Variants in CFAP46 observed in about 807,000 individuals in gnomAD.
CFAP46 encodes cilia and flagella associated protein 46.
Under a neutral mutation model 325.7 loss-of-function variants are expected in CFAP46, and 245 were observed. That is an observed-to-expected ratio of 0.75 (90% CI 0.68 to 0.84). The LOEUF (loss-of-function observed/expected upper bound fraction) is 0.84, where lower values mean the gene tolerates loss of function less well. Among genes scored for constraint, CFAP46 ranks in the 40% least tolerant of loss-of-function variants. CFAP46 has a pLI of 0.00. For missense variants in CFAP46, 3,346 were observed against 3,543.0 expected (o/e 0.94, Z 1.41); for synonymous variants, 1,523 against 1,495.9 (o/e 1.02, Z -0.42).
At chr10:132,837,388 C>A (rs1848269994) in intron 44 of CFAP46, among the ~76,000 whole-genome samples, 1 of 152,024 alleles carries the variant, frequency 6.6e-6, no homozygotes. Flanking sequence ...CACACAGATG[C>A]ACGTGTACAT....
At position 132,884,142 on chromosome 10, in the gene CFAP46, C is replaced by T. The variant is rs1849086997; in HGVS notation, c.3627+961G>A. Among the ~76,000 whole-genome samples, 1 of 152,226 alleles carries T rather than the reference C, an allele frequency of 6.6e-6. No individual in the cohort carries two copies. Among genetic ancestry groups the T allele is most frequent in the South Asian group, 2.1e-4 (1 of 4,834 alleles). On this transcript the variant is annotated intron_variant, in intron 27 of 57. Coordinates refer to ENST00000368586, the MANE Select transcript of CFAP46 (RefSeq NM_001200049.3). The surrounding 1 kb of genome is among the most constrained non-coding windows in gnomAD (Gnocchi z 5.4). ...GCAGCCTCCCCTCCTCAGGCCCTTCCTGCTTTCCCTGGAGGCAGCCAGGTC... is the reference window on the plus strand; with the variant it reads ...GCAGCCTCCCCTCCTCAGGCCCTTCTTGCTTTCCCTGGAGGCAGCCAGGTC...
intron 39 of CFAP46, 72 bp downstream of exon 39, chr10:132,857,513 TGTAAG>T (rs1189859729): frequency 9.7e-6 from 14 of 1,441,644 alleles, no homozygotes; most frequent in Non-Finnish European, 1.3e-5. Context: ...TCAGCTGGCT[TGTAAG>T]GTAAGTTACA....
Position 132,941,718 on chromosome 10 carries a change from C to G in CFAP46, c.179G>C (p.Arg60Thr). ...VLCAEQALKM[R>T]QPEVSEDCIQ... ...GCAGTCCTCGCTCACCTCTGGCTGC[C>G]TCATCTGCAAGAGAACACCACCACA... Residue 60 changes from arginine to threonine, a missense_variant, in exon 3 of 58, where the codon AGG becomes ACG. Arg to Thr is a moderately conservative substitution (Grantham distance 71). Coordinates refer to ENST00000368586, the MANE Select transcript of CFAP46 (RefSeq NM_001200049.3). The G allele has an allele frequency of 6.2e-7, 1 of 1,613,986 alleles. No homozygotes were observed. Among genetic ancestry groups the G allele is most frequent in the Admixed American group, 1.7e-5 (1 of 60,026 alleles).
rs1486113713 is a variant in CFAP46, at chr10:132,889,521, A to T, written c.3304+2812T>A. Among the ~76,000 whole-genome samples, 1 of 152,030 alleles carries T rather than the reference A, an allele frequency of 6.6e-6. No homozygotes were observed. The highest frequency in any genetic ancestry group is 1.5e-5 in the Non-Finnish European group (1 of 67,978). Reference sequence around the variant, plus strand: ...TGCTTCCTCCTGCTTGAATTCATTAAACCAGGGTCCAATGAACTTGGAAAC... The same window carrying T: ...TGCTTCCTCCTGCTTGAATTCATTATACCAGGGTCCAATGAACTTGGAAAC... On this transcript the variant is annotated intron_variant, in intron 25 of 57. Transcript: ENST00000368586. The surrounding 1 kb of genome is among the most constrained non-coding windows in gnomAD (Gnocchi z 6.0).
chr10:132,833,814 A>C (rs1174301735), intron 49 of CFAP46, among the ~76,000 whole-genome samples: 1 of 152,160 alleles, frequency 6.6e-6, no homozygotes. Context: ...TGCTCTCAGG[A>C]GGCTTGGCAC....
rs1237989808 is a variant in CFAP46, at chr10:132,886,459, C to T, written c.3305-500G>A. Among the ~76,000 whole-genome samples the T allele has an allele frequency of 6.6e-6, 1 of 152,200 alleles. No individual in the cohort carries two copies. Among genetic ancestry groups the T allele is most frequent in the Non-Finnish European group, 1.5e-5 (1 of 68,032 alleles). Reference sequence around the variant, plus strand: ...GACACGCAGAGGCAAAGGTGCCTGCCTTCAGGGCACACACAAAAATCGCCT... The same window carrying T: ...GACACGCAGAGGCAAAGGTGCCTGCTTTCAGGGCACACACAAAAATCGCCT... On this transcript the variant is annotated intron_variant, in intron 25 of 57. Transcript: ENST00000368586. The surrounding 1 kb of genome is among the most constrained non-coding windows in gnomAD (Gnocchi z 5.8).
chr10:132,825,108 GTGC>G (rs1203626819), intron 50 of CFAP46, among the ~76,000 whole-genome samples: 2 of 147,108 alleles, frequency 1.4e-5, no homozygotes, highest in Non-Finnish European at 3.0e-5. Flanking sequence ...GTGCTGATGT[GTGC>G]TGATGTGTGC....
At position 132,899,089 on chromosome 10, in the gene CFAP46, A is replaced by G; in HGVS notation, c.3089T>C (p.Val1030Ala). Reference protein sequence around the residue: ...FGGIAGSSALVMLAARHYWNA... With the variant: ...FGGIAGSSALAMLAARHYWNA... ...CCAGTAATGCCGCGCGGCCAGCATC[A>G]CCAGGGCGCTGCTGCCCGCGATGCC... is the stretch of plus-strand genomic sequence containing the variant. The change falls in exon 24 of 58, where the codon GTG (valine) becomes GCG (alanine). Residue 1030 changes from valine (V) to alanine (A), a missense_variant. Coordinates refer to ENST00000368586, the MANE Select transcript of CFAP46 (RefSeq NM_001200049.3). 2 of 1,550,082 alleles carry G rather than the reference A, an allele frequency of 1.3e-6. No individual in the cohort carries two copies. The highest frequency in any genetic ancestry group is 1.7e-6 in the Non-Finnish European group (2 of 1,146,902).
intron 24 of CFAP46, among the ~76,000 whole-genome samples, chr10:132,897,377 C>T (rs1426408163): frequency 6.6e-6 from 1 of 152,228 alleles, no homozygotes; most frequent in Admixed American, 6.5e-5. Context: ...GATTAATATG[C>T]AGGCTCTGTC....
chr10:132,890,528 C>T (rs901994547), intron 25 of CFAP46, among the ~76,000 whole-genome samples: 14 of 152,304 alleles, frequency 9.2e-5, no homozygotes, highest in African/African-American at 2.9e-4. Context: ...ATGCCAGCAA[C>T]CAGTGCGGAG....
At chr10:132,913,569 G>A (rs1321656134) in intron 17 of CFAP46, among the ~76,000 whole-genome samples, 1 of 152,176 alleles carries the variant, frequency 6.6e-6, no homozygotes, top group Non-Finnish European at 1.5e-5. Context: ...GATCTGAGGT[G>A]GAAACGTTTC....
rs1307526077 is a variant in CFAP46 at position 132,876,497 on chromosome 10, G to C, written c.4362+315C>G. Among the ~76,000 whole-genome samples, 1 of 152,214 alleles carries C rather than the reference G, an allele frequency of 6.6e-6. No homozygotes were observed. Among genetic ancestry groups the C allele is most frequent in the African/African-American group, 2.4e-5 (1 of 41,460 alleles). On this transcript the variant is annotated intron_variant, in intron 31 of 57. Transcript: ENST00000368586. This position sits in a 1 kb window ranked among gnomAD's most constrained non-coding sequence, Gnocchi z 4.1. ...CAGGGACACTGATTTTCGGCTTCCGGCCTCCAGAACCATGAGGGGATCAAT... is the reference window on the plus strand; with the variant it reads ...CAGGGACACTGATTTTCGGCTTCCGCCCTCCAGAACCATGAGGGGATCAAT...
At position 132,869,085 on chromosome 10, in the gene CFAP46, G is replaced by A. The variant is rs930775593; in HGVS notation, c.4610+189C>T. Among the ~76,000 whole-genome samples the A allele has an allele frequency of 5.9e-5, 9 of 152,300 alleles. No homozygotes were observed. In the East Asian group the frequency reaches 1.5e-3, roughly 26 times the overall value. On this transcript the variant is annotated intron_variant, in intron 33 of 57. Coordinates refer to ENST00000368586, the MANE Select transcript of CFAP46 (RefSeq NM_001200049.3). The surrounding 1 kb of genome is among the most constrained non-coding windows in gnomAD (Gnocchi z 6.2). Reference sequence around the variant, plus strand: ...TCACCGCCCCTCCCTCCCTCTGTGAGGAGCACCTCCCCACAACCCACCTCC... The same window carrying A: ...TCACCGCCCCTCCCTCCCTCTGTGAAGAGCACCTCCCCACAACCCACCTCC...
intron 8 of CFAP46, 66 bp from the exon 9 acceptor site, chr10:132,929,870 G>T: frequency 1.8e-6 from 2 of 1,114,486 alleles, no homozygotes; most frequent in Non-Finnish European, 2.6e-6. Flanking sequence ...CTGCAGGCGA[G>T]AATCCATGTC....
chr10:132,895,840 C>T lies in CFAP46; in HGVS notation c.3219+3119G>A, dbSNP rs112016378. Reference sequence around the variant, plus strand: ...TAAGGTCACGAGAGTGGGGTCCTCACAATGAAGTTGGTGCACTTTAAGAAA... The same window carrying T: ...TAAGGTCACGAGAGTGGGGTCCTCATAATGAAGTTGGTGCACTTTAAGAAA... On this transcript the variant is annotated intron_variant, in intron 24 of 57. Transcript: ENST00000368586. Among the ~76,000 whole-genome samples the T allele has an allele frequency of 6.8e-4, 104 of 152,230 alleles. 1 individual carries two copies. The highest frequency in any genetic ancestry group is 2.2e-3 in the African/African-American group (90 of 41,478).
In CFAP46 at chr10:132,877,838, C is replaced by A. The variant is rs1409640275; in HGVS notation, c.4212+43G>T. ...CAGGCAGGGAAACTGAGGCACAGGC[C>A]ATCCTGGGCCCGGCCTCTGCACCGT... On this transcript the variant is annotated intron_variant, in intron 30 of 57. Coordinates refer to ENST00000368586, the MANE Select transcript of CFAP46 (RefSeq NM_001200049.3). This position sits in a 1 kb window ranked among gnomAD's most constrained non-coding sequence, Gnocchi z 5.7. 7.8e-6 allele frequency: 12 copies of A among 1,540,748 alleles called. No homozygotes were observed. Among genetic ancestry groups the A allele is most frequent in the Non-Finnish European group, 1.1e-5 (12 of 1,142,800 alleles).
chr10:132,814,718 T>A lies in CFAP46; in HGVS notation c.7217A>T (p.Asp2406Val). 1 of 1,612,626 alleles carries A rather than the reference T, an allele frequency of 6.2e-7. No homozygotes were observed. The highest frequency in any genetic ancestry group is 8.5e-7 in the Non-Finnish European group (1 of 1,179,378). Residue 2406 changes from aspartate to valine, a missense_variant, in exon 52 of 58, where the codon GAC becomes GTC. Coordinates refer to ENST00000368586, the MANE Select transcript of CFAP46 (RefSeq NM_001200049.3). ...KGSIPRTIPP[D>V]CIIVDSDNFK... is the part of the protein sequence containing the mutation. Reference sequence around the variant, plus strand: ...GTTGTCTGAGTCGACTATGATGCAGTCAGGGGGGATGGTCCGGGGGATGCT... The same window carrying A: ...GTTGTCTGAGTCGACTATGATGCAGACAGGGGGGATGGTCCGGGGGATGCT...
intron 25 of CFAP46, among the ~76,000 whole-genome samples, chr10:132,891,870 G>A (rs551434417): frequency 1.3e-4 from 20 of 152,232 alleles, no homozygotes; most frequent in Non-Finnish European, 2.5e-4. Context: ...CCTCCCCTCT[G>A]AGTTGTCCCA....
In CFAP46 at chr10:132,817,984, C is replaced by G. The variant is rs1381288712; in HGVS notation, c.7118-3070G>C. Among the ~76,000 whole-genome samples the G allele has an allele frequency of 6.6e-6, 1 of 152,228 alleles. No individual in the cohort carries two copies. Among genetic ancestry groups the G allele is most frequent in the Non-Finnish European group, 1.5e-5 (1 of 68,036 alleles). ...AGCCCCCAGGCTCCTTCTCCTGCTT[C>G]TCTTGTGTGAGGGCTTTCTCATCAC... On this transcript the variant is annotated intron_variant, in intron 50 of 57. Transcript: ENST00000368586. The surrounding 1 kb of genome is among the most constrained non-coding windows in gnomAD (Gnocchi z 4.4).
Sources: allele counts gnomAD v4.1 joint callset (sites outside exome capture counted in the v4.1 genomes callset), GRCh38; gene constraint gnomAD v4.1.1; non-coding constraint Gnocchi (gnomAD v3.1); transcripts MANE v1.5; gene names NCBI Gene and HGNC (gene_info 2026-07-23, HGNC 2026-07-21).